Variants in ROR1 observed in about 807,000 individuals in gnomAD.
ROR1 encodes the protein ROR family WNT receptor 1.
ROR1 carries 19 observed loss-of-function variants against 78.8 expected under a neutral mutation model. The observed-to-expected ratio is 0.24, with a 90% CI of 0.17 to 0.35. The LOEUF is 0.35. Ranked by LOEUF, ROR1 falls within the 10% of genes least tolerant of loss-of-function variation. The pLI is 1.00. For missense variants in ROR1, 917 were observed against 1,177.8 expected, an observed-to-expected ratio of 0.78 and a Z score of 3.24; for synonymous variants, 386 against 433.6, an observed-to-expected ratio of 0.89 and a Z score of 1.36.
chr1:63,859,856 G>A (rs1341204257), intron 1 of ROR1, among the ~76,000 whole-genome samples: 2 of 152,216 alleles, frequency 1.3e-5, no homozygotes, highest in Admixed American at 1.3e-4. Flanking sequence ...GAATAATAGG[G>A]TAGTTGCAAA....
intron 1 of ROR1, among the ~76,000 whole-genome samples, chr1:63,877,148 G>A (rs1645292399): frequency 6.6e-6 from 1 of 152,106 alleles, no homozygotes; most frequent in South Asian, 2.1e-4. Context: ...GAAAGGGCCT[G>A]GCTTTCAGTT....
intron 1 of ROR1, among the ~76,000 whole-genome samples, chr1:63,859,748 T>C (rs1013872720): frequency 2.0e-5 from 3 of 152,202 alleles, no homozygotes; most frequent in African/African-American, 7.2e-5. Context: ...TGCATGGCAC[T>C]AGAAAGTGCA....
chr1:63,807,268 G>A (rs1644835599), intron 1 of ROR1, among the ~76,000 whole-genome samples: 1 of 152,198 alleles, frequency 6.6e-6, no homozygotes, highest in Non-Finnish European at 1.5e-5. Context: ...CTAATGATGG[G>A]CAAGGTGGGG....
chr1:64,172,768 GA>G (rs1366151023), intron 8 of ROR1, among the ~76,000 whole-genome samples: 1 of 152,094 alleles, frequency 6.6e-6, no homozygotes, highest in Non-Finnish European at 1.5e-5. Flanking sequence ...AAAACTTTAT[GA>G]CTTCATTTTC....
At chr1:64,004,546 G>C (rs1557604538) in intron 1 of ROR1, among the ~76,000 whole-genome samples, 1 of 152,240 alleles carries the variant, frequency 6.6e-6, no homozygotes. Context: ...TTCAGCCTTT[G>C]CAGCTACTGG....
chr1:63,815,685 G>C (rs1281259211), intron 1 of ROR1, among the ~76,000 whole-genome samples: 1 of 152,092 alleles, frequency 6.6e-6, no homozygotes, highest in African/African-American at 2.4e-5. Flanking sequence ...GCTATCTCCT[G>C]TGGTGATGAT....
Position 63,774,384 on chromosome 1 carries a change from AGCCGCCGCC to A in ROR1, c.-24_-16del. On this transcript the variant is annotated 5_prime_UTR_variant, in exon 1 of 9. Transcript: ENST00000371079. This position sits in a 1 kb window ranked among gnomAD's most constrained non-coding sequence, Gnocchi z 5.7. ...GTGGATGTTCTGCGCGCGGCCTGGGAGCCGCCGCCGCCGCCGCCTCAGCGAGAGGAGGAA... is the reference window on the plus strand; with the variant it reads ...GTGGATGTTCTGCGCGCGGCCTGGGAGCCGCCGCCTCAGCGAGAGGAGGAA... 8.0e-7 allele frequency: 1 copy of A among 1,243,490 alleles called. No individual in the cohort carries two copies. The highest frequency in any genetic ancestry group is 1.0e-6 in the Non-Finnish European group (1 of 978,740). The allele number at this position is 1,243,490 out of a possible 1,614,324, so 77.0% of individuals were successfully genotyped here.
chr1:63,777,432 C>T (rs1644624164), intron 1 of ROR1, among the ~76,000 whole-genome samples: 1 of 152,214 alleles, frequency 6.6e-6, no homozygotes, highest in Non-Finnish European at 1.5e-5. Flanking sequence ...AAAATCCTCC[C>T]TGGCTGGCTA....
intron 4 of ROR1, among the ~76,000 whole-genome samples, chr1:64,099,959 G>T (rs1647457401): frequency 6.6e-6 from 1 of 152,150 alleles, no homozygotes; most frequent in Non-Finnish European, 1.5e-5. Flanking sequence ...GGAGGCTGAG[G>T]CAGGAGAATT....
At chr1:64,177,212 G>T (rs557020106) in intron 8 of ROR1, among the ~76,000 whole-genome samples, 1 of 152,366 alleles carries the variant, frequency 6.6e-6, no homozygotes, top group South Asian at 2.1e-4. Flanking sequence ...CCATTTTGTG[G>T]CTGGGTTGAG....
At chr1:63,910,153 C>T (rs911425029) in intron 1 of ROR1, among the ~76,000 whole-genome samples, 1 of 152,186 alleles carries the variant, frequency 6.6e-6, no homozygotes, top group African/African-American at 2.4e-5. Flanking sequence ...CACTCTCCAA[C>T]AGTGCTACAT....
intron 1 of ROR1, among the ~76,000 whole-genome samples, chr1:63,873,631 T>C (rs1320312539): frequency 6.6e-6 from 1 of 152,182 alleles, no homozygotes; most frequent in South Asian, 2.1e-4. Context: ...GGTAGAATAT[T>C]CTTTATCTAT....
intron 1 of ROR1, among the ~76,000 whole-genome samples, chr1:63,998,561 T>C (rs564523518): frequency 3.0e-4 from 46 of 152,290 alleles, no homozygotes; most frequent in African/African-American, 1.1e-3. Flanking sequence ...GCAGAAATAA[T>C]GTAACCTGTA....
chr1:63,881,904 A>G (rs965071640), intron 1 of ROR1, among the ~76,000 whole-genome samples: 14 of 152,128 alleles, frequency 9.2e-5, no homozygotes, highest in African/African-American at 3.1e-4. Flanking sequence ...GATTAGAACA[A>G]TCTTCCTTGA....
At chr1:64,125,186 G>A (rs1648668288) in intron 4 of ROR1, among the ~76,000 whole-genome samples, 1 of 152,192 alleles carries the variant, frequency 6.6e-6, no homozygotes, top group African/African-American at 2.4e-5. Flanking sequence ...AGGTTTTAAG[G>A]CGGGCTTTGG....
chr1:64,122,154 A>G (rs1648563418), intron 4 of ROR1, among the ~76,000 whole-genome samples: 1 of 152,234 alleles, frequency 6.6e-6, no homozygotes, highest in Non-Finnish European at 1.5e-5. Flanking sequence ...CTGGAAATAC[A>G]GTCAAGATCC....
In ROR1 at chr1:63,929,126, G is replaced by A. The variant is rs117962566; in HGVS notation, c.92-80179G>A. Among the ~76,000 whole-genome samples the A allele has an allele frequency of 4.2e-4, 64 of 152,248 alleles. No homozygotes were observed. The East Asian group carries it at 4.4e-3, about 11-fold the overall frequency. On this transcript the variant is annotated intron_variant, in intron 1 of 8. Coordinates refer to ENST00000371079, the MANE Select transcript of ROR1 (RefSeq NM_005012.4). ...CCACCCTTTCCAGACTCCACAATCC[G>A]CTTTGCTGTGTGTTTTCTCTTTCTT...
chr1:63,840,256 G>C (rs972613394), intron 1 of ROR1, among the ~76,000 whole-genome samples: 1 of 151,036 alleles, frequency 6.6e-6, no homozygotes, highest in Non-Finnish European at 1.5e-5. Flanking sequence ...AGCTAACCTA[G>C]AAAAGTCTCT....
chr1:64,168,859 T>C (rs1486764288), intron 8 of ROR1, among the ~76,000 whole-genome samples: 1 of 152,232 alleles, frequency 6.6e-6, no homozygotes, highest in Non-Finnish European at 1.5e-5. Context: ...CACTAAGGAA[T>C]TGACTGATCC....
Sources: gnomAD v4.1 joint callset for allele counts (sites outside exome capture counted in the v4.1 genomes callset) on GRCh38, gnomAD v4.1.1 for gene constraint, Gnocchi (gnomAD v3.1) non-coding constraint, MANE v1.5 for transcripts, NCBI Gene and HGNC (gene_info 2026-07-23, HGNC 2026-07-21) for gene names.